The following CTNND1 variants were observed in gnomAD, a reference collection of about 807,000 sequenced individuals.
The protein encoded by CTNND1 is catenin delta 1.
Under a neutral mutation model 112.1 loss-of-function variants are expected in CTNND1, and 16 were observed. The ratio of observed to expected loss-of-function variants is 0.14; its 90% CI spans 0.10 to 0.22. CTNND1 has a LOEUF of 0.22. Ranked by LOEUF, CTNND1 falls within the 10% of genes least tolerant of loss-of-function variation. CTNND1 has a pLI of 1.00. For synonymous variants in CTNND1, 420 were observed against 446.5 expected (o/e 0.94, Z 0.75); for missense variants, 1,008 against 1,257.0 (o/e 0.80, Z 3.00).
At chr11:57,814,411 A>G in intron 18 of CTNND1, 38 bp downstream of exon 18, 1 of 1,504,410 alleles carries the variant, frequency 6.6e-7, no homozygotes, top group Non-Finnish European at 9.2e-7. Context: ...GTGGAGTAAT[A>G]TTTCACTGGC....
At chr11:57,805,788 T>C in intron 9 of CTNND1, 94 bp from the exon 10 acceptor site, 1 of 1,397,784 alleles carries the variant, frequency 7.2e-7, no homozygotes, top group Non-Finnish European at 9.7e-7. Context: ...CATTTGAAGA[T>C]CAACATTTTA....
intron 1 of CTNND1, among the ~76,000 whole-genome samples, chr11:57,771,722 T>G (rs1413824060): frequency 6.6e-6 from 1 of 152,168 alleles, no homozygotes; most frequent in Non-Finnish European, 1.5e-5. Context: ...TGTTACCGAA[T>G]TTTTGTGTCT....
chr11:57,803,787 C>T lies in CTNND1; in HGVS notation c.1587C>T (p.Asn529=). ...RHIEWESVLT[N]TAGCLRNVSS... ...TTGAGTGGGAATCGGTGCTCACCAACACAGCTGGCTGCCTTAGGTAACAGT... is the reference window on the plus strand; with the variant it reads ...TTGAGTGGGAATCGGTGCTCACCAATACAGCTGGCTGCCTTAGGTAACAGT... Residue 529 remains asparagine (N), a synonymous_variant, in exon 8 of 21, where the codon AAC becomes AAT. Transcript: ENST00000399050. 4 of 1,607,180 alleles carry T rather than the reference C, an allele frequency of 2.5e-6. No homozygotes were observed. The highest frequency in any genetic ancestry group is 3.4e-6 in the Non-Finnish European group (4 of 1,176,784).
At chr11:57,784,787 T>C (rs2059962653) in intron 1 of CTNND1, among the ~76,000 whole-genome samples, 1 of 152,196 alleles carries the variant, frequency 6.6e-6, no homozygotes, top group Admixed American at 6.5e-5. Context: ...ATTACAGGCA[T>C]GAGCCGTGGT....
intron 1 of CTNND1, among the ~76,000 whole-genome samples, chr11:57,783,827 C>G (rs1022643367): frequency 2.0e-5 from 3 of 152,098 alleles, no homozygotes; most frequent in African/African-American, 4.8e-5. Context: ...CCCTTTCTGG[C>G]TTGAATGTTA....
At chr11:57,780,187 G>A (rs2059428449) in intron 1 of CTNND1, among the ~76,000 whole-genome samples, 1 of 151,588 alleles carries the variant, frequency 6.6e-6, no homozygotes, top group South Asian at 2.1e-4. Flanking sequence ...CCGAGTAGCT[G>A]GAACTACAGG....
chr11:57,780,815 A>G (rs1369642942), intron 1 of CTNND1, among the ~76,000 whole-genome samples: 1 of 152,234 alleles, frequency 6.6e-6, no homozygotes, highest in Non-Finnish European at 1.5e-5. Context: ...GTTTTGAGGA[A>G]TTGGGACTGT....
Position 57,796,610 on chromosome 11 carries a change from C to A in CTNND1, c.574C>A (p.Pro192Thr). ...CAAGAATGGCAATGGGGGACCTGGTCCCTATGTGGGGCAAGCTGGCACTGC... is the reference window on the plus strand; with the variant it reads ...CAAGAATGGCAATGGGGGACCTGGTACCTATGTGGGGCAAGCTGGCACTGC... ...FRKNGNGGPG[P>T]YVGQAGTATL... Residue 192 changes from proline to threonine, a missense_variant, in exon 6 of 21, where the codon CCC becomes ACC. Pro to Thr is a conservative substitution (Grantham distance 38). Coordinates refer to ENST00000399050, the MANE Select transcript of CTNND1 (RefSeq NM_001085458.2). 1 of 1,613,978 alleles carries A rather than the reference C, an allele frequency of 6.2e-7. No individual in the cohort carries two copies. The highest frequency in any genetic ancestry group is 1.3e-5 in the African/African-American group (1 of 75,026).
At chr11:57,783,861 C>A (rs2059863594) in intron 1 of CTNND1, among the ~76,000 whole-genome samples, 1 of 152,088 alleles carries the variant, frequency 6.6e-6, no homozygotes, top group African/African-American at 2.4e-5. Flanking sequence ...TGTAGTGTTA[C>A]AGGTGCTATA....
rs7938087 is a variant in CTNND1 at position 57,778,584 on chromosome 11, G to A, written c.-213-10453G>A. Among the ~76,000 whole-genome samples the A allele has an allele frequency of 6.3e-3, 960 of 152,294 alleles. 10 individuals are homozygous for A. The highest frequency in any genetic ancestry group is 0.022 in the African/African-American group (930 of 41,582). ...CTTTGTCCTACGTAGTGTTGGCTTG[G>A]GGCAGAGAGGAGGGTTGTTTTCCCT... On this transcript the variant is annotated intron_variant, in intron 1 of 20. Coordinates refer to ENST00000399050, the MANE Select transcript of CTNND1 (RefSeq NM_001085458.2).
Position 57,819,449 on chromosome 11 carries a change from T to C in CTNND1, c.*3141T>C, listed in dbSNP as rs1435387597. On this transcript the variant is annotated 3_prime_UTR_variant, in exon 21 of 21. Coordinates refer to ENST00000399050, the MANE Select transcript of CTNND1 (RefSeq NM_001085458.2). The stretch of plus-strand genomic sequence containing the variant: ...TTATTTCCCTGTTATGTTCTTATCC[T>C]TTGGCATTGAGCTAGATACAAACCC... 6.6e-6 allele frequency: 1 copy of C among 152,232 alleles called. No homozygotes were observed. The highest frequency in any genetic ancestry group is 2.4e-5 in the African/African-American group (1 of 41,462). 9.4% of individuals were successfully genotyped at this position (152,232 alleles called of 1,614,324 possible).
chr11:57,790,186 A>G (rs12281687), intron 2 of CTNND1, among the ~76,000 whole-genome samples: 5,140 of 151,864 alleles, frequency 0.034, 294 homozygotes, highest in African/African-American at 0.12. Flanking sequence ...GGTTCACGCA[A>G]TTCTCATGCC....
intron 1 of CTNND1, among the ~76,000 whole-genome samples, chr11:57,774,603 A>G (rs1953670024): frequency 6.6e-6 from 1 of 152,252 alleles, no homozygotes; most frequent in African/African-American, 2.4e-5. Flanking sequence ...TGTATTTTAT[A>G]ACCAGTGCCC....
At chr11:57,772,705 A>T (rs1441749975) in intron 1 of CTNND1, among the ~76,000 whole-genome samples, 1 of 152,180 alleles carries the variant, frequency 6.6e-6, no homozygotes, top group Non-Finnish European at 1.5e-5. Context: ...ATTTGATTGA[A>T]TACCTATGTC....
chr11:57,789,238 A>G, intron 2 of CTNND1, 83 bp downstream of exon 2: 1 of 1,008,668 alleles, frequency 9.9e-7, no homozygotes, highest in Non-Finnish European at 1.4e-6. Context: ...ATGTCATAGC[A>G]GAAAAAAATC....
Position 57,796,783 on chromosome 11 carries a change from G to C in CTNND1, c.747G>C (p.Arg249=). The change falls in exon 6 of 21, where the codon CGG becomes CGC. Residue 249 remains arginine (R), a synonymous_variant. Coordinates refer to ENST00000399050, the MANE Select transcript of CTNND1 (RefSeq NM_001085458.2). ...ERYRPSMEGY[R]APSRQDVYGP... is the part of the protein sequence containing the mutation. ...ATAGGCCCAGCATGGAAGGCTACCG[G>C]GCACCTAGTAGACAGGATGTGTATG... 1 of 1,609,946 alleles carries C rather than the reference G, an allele frequency of 6.2e-7. No individual in the cohort carries two copies. Among genetic ancestry groups the C allele is most frequent in the Non-Finnish European group, 8.5e-7 (1 of 1,176,946 alleles).
chr11:57,785,768 C>G (rs1285629266), intron 1 of CTNND1, among the ~76,000 whole-genome samples: 1 of 151,916 alleles, frequency 6.6e-6, no homozygotes, highest in Non-Finnish European at 1.5e-5. Context: ...AGGCCGGTCT[C>G]AAACCCCTGA....
chr11:57,764,844 C>T (rs1290455120), intron 1 of CTNND1, among the ~76,000 whole-genome samples: 1 of 152,112 alleles, frequency 6.6e-6, no homozygotes, highest in African/African-American at 2.4e-5. Context: ...TTGCTAGAGG[C>T]AGGAGTGTTT....
intron 2 of CTNND1, among the ~76,000 whole-genome samples, chr11:57,790,895 AT>A (rs112251986): frequency 0.016 from 2,331 of 147,122 alleles, 54 homozygotes; most frequent in Non-Finnish European, 0.017. Context: ...TAGCATAGTA[AT>A]TTTTTTTTTT....
Sources: allele counts gnomAD v4.1 joint callset (sites outside exome capture counted in the v4.1 genomes callset), GRCh38; gene constraint gnomAD v4.1.1; transcripts MANE v1.5; gene names NCBI Gene and HGNC (gene_info 2026-07-23, HGNC 2026-07-21).